The following CDC73 variants were observed in gnomAD, a reference collection of about 807,000 sequenced individuals.
CDC73 encodes parafibromin.
CDC73 carries 21 observed loss-of-function variants against 83.7 expected under a neutral mutation model. The observed-to-expected ratio is 0.25, with a 90% CI of 0.18 to 0.36. The LOEUF is 0.36. Among genes scored for constraint, CDC73 ranks in the 10% least tolerant of loss-of-function variants. The probability of loss-of-function intolerance (pLI) is 1.00; values close to 1 mark genes in which losing one functional copy is unlikely to be tolerated. For missense variants in CDC73, 342 were observed against 653.3 expected, an observed-to-expected ratio of 0.52 and a Z score of 5.19; for synonymous variants, 224 against 212.9, an observed-to-expected ratio of 1.05 and a Z score of -0.45.
intron 14 of CDC73, among the ~76,000 whole-genome samples, chr1:193,234,167 TCTCTCTCTCACACACACACACA>T (rs1443185738): frequency 5.8e-5 from 5 of 86,686 alleles, no homozygotes; most frequent in Admixed American, 4.6e-4. Flanking sequence ...TCTCTCTCTC[TCTCTCTCTCACACACACACACA>T]CACACACACA....
chr1:193,249,572 T>C (rs1278367651), intron 15 of CDC73, among the ~76,000 whole-genome samples, 158 bp from the exon 16 acceptor site: 2 of 152,038 alleles, frequency 1.3e-5, no homozygotes, highest in African/African-American at 4.8e-5. Context: ...CATTTTAGTG[T>C]CCAGTGGCTG....
chr1:193,209,684 C>A (rs1469401424), intron 11 of CDC73, among the ~76,000 whole-genome samples: 1 of 152,180 alleles, frequency 6.6e-6, no homozygotes, highest in East Asian at 1.9e-4. Flanking sequence ...TTAACTAAAC[C>A]TCTAAACTTT....
chr1:193,176,195 CT>C (rs1676599275), intron 10 of CDC73, among the ~76,000 whole-genome samples: 2 of 152,290 alleles, frequency 1.3e-5, no homozygotes, highest in African/African-American at 4.8e-5. Context: ...TTTGTGGTTA[CT>C]TTTGGGGCTG....
chr1:193,221,714 G>A (rs1677473197), intron 13 of CDC73, among the ~76,000 whole-genome samples: 1 of 152,092 alleles, frequency 6.6e-6, no homozygotes, highest in Non-Finnish European at 1.5e-5. Flanking sequence ...CTTTAGTCTT[G>A]TTTACTACAG....
At chr1:193,200,114 GC>G (rs1169408567) in intron 10 of CDC73, among the ~76,000 whole-genome samples, 1 of 151,686 alleles carries the variant, frequency 6.6e-6, no homozygotes, top group East Asian at 1.9e-4. Flanking sequence ...GGTGGTGCGT[GC>G]CTGGAGGCTG....
chr1:193,240,834 A>G (rs536229220), intron 15 of CDC73, among the ~76,000 whole-genome samples: 7 of 152,172 alleles, frequency 4.6e-5, no homozygotes, highest in Non-Finnish European at 8.8e-5. Flanking sequence ...GAAACTTTTT[A>G]CTTTAATATA....
intron 11 of CDC73, among the ~76,000 whole-genome samples, chr1:193,204,519 G>T (rs1159277068): frequency 6.6e-6 from 1 of 151,798 alleles, no homozygotes; most frequent in Admixed American, 6.6e-5. Context: ...TTGATCTCCT[G>T]ACCTCATGAT....
chr1:193,252,325 A>G lies in CDC73; in HGVS notation c.*1613A>G. 4.3e-6 allele frequency: 1 copy of G among 230,298 alleles called. No individual in the cohort carries two copies. Among genetic ancestry groups the G allele is most frequent in the Non-Finnish European group, 8.6e-6 (1 of 116,182 alleles). 14.3% of individuals were successfully genotyped at this position (230,298 alleles called of 1,614,324 possible). Reference sequence around the variant, plus strand: ...TTTCTTAGCATATAAATATATTTCCAAAATAAATTACATGTTGTGTAAACT... The same window carrying G: ...TTTCTTAGCATATAAATATATTTCCGAAATAAATTACATGTTGTGTAAACT... On this transcript the variant is annotated 3_prime_UTR_variant, in exon 17 of 17. Coordinates refer to ENST00000367435, the MANE Select transcript of CDC73 (RefSeq NM_024529.5).
At chr1:193,216,785 T>G (rs762575857) in intron 13 of CDC73, among the ~76,000 whole-genome samples, 13 of 152,094 alleles carry the variant, frequency 8.5e-5, no homozygotes, top group Non-Finnish European at 1.5e-4. Context: ...GCAGGGTTCG[T>G]TCAACAAATG....
chr1:193,125,569 C>T (rs1356525844), intron 2 of CDC73, among the ~76,000 whole-genome samples: 1 of 151,014 alleles, frequency 6.6e-6, no homozygotes, highest in East Asian at 2.0e-4. Flanking sequence ...GCCAATAATT[C>T]ATTTTAAAAC....
intron 10 of CDC73, among the ~76,000 whole-genome samples, chr1:193,176,667 T>C (rs1228432777): frequency 6.6e-6 from 1 of 152,228 alleles, no homozygotes; most frequent in Non-Finnish European, 1.5e-5. Context: ...GGAATTTTTT[T>C]TCTACTTTTT....
At chr1:193,180,210 T>TAAAC in intron 10 of CDC73, 1 of 1,230,234 alleles carries the variant, frequency 8.1e-7, no homozygotes, top group Non-Finnish European at 1.1e-6. Context: ...TAACTAAAAC[T>TAAAC]TGTCCTACGG....
rs1457259033 is a variant in CDC73 at position 193,234,271 on chromosome 1, AAT to A, written c.1316+1125_1316+1126del. 4.2e-3 allele frequency among the ~76,000 whole-genome samples: 576 copies of A among 137,156 alleles called. 13 individuals carry two copies. Among genetic ancestry groups the A allele is most frequent in the South Asian group, 6.1e-3 (28 of 4,586 alleles). 90.0% of individuals were successfully genotyped at this position (137,156 alleles called of 152,430 possible). On this transcript the variant is annotated intron_variant, in intron 14 of 16. Coordinates refer to ENST00000367435, the MANE Select transcript of CDC73 (RefSeq NM_024529.5). ...TTATTTATATATATAATTTAATTAT[AAT>A]ATATATAATATACATATTATATATA... is the stretch of plus-strand genomic sequence containing the variant.
intron 14 of CDC73, among the ~76,000 whole-genome samples, chr1:193,234,289 A>ATATATATATATATATAAT (rs1677719485): frequency 2.6e-5 from 3 of 116,128 alleles, no homozygotes; most frequent in African/African-American, 1.0e-4. Flanking sequence ...TAATATACAT[A>ATATATATATATATATAAT]TTATATATAT....
intron 10 of CDC73, among the ~76,000 whole-genome samples, chr1:193,195,050 G>T (rs1033540630): frequency 6.6e-6 from 1 of 152,040 alleles, no homozygotes; most frequent in Non-Finnish European, 1.5e-5. Flanking sequence ...ACAATGAATT[G>T]ACTCACACAG....
rs369024183 is a variant in CDC73 at position 193,150,320 on chromosome 1, C to T, written c.845C>T (p.Thr282Ile). The T allele has an allele frequency of 6.2e-7, 1 of 1,611,842 alleles. No homozygotes were observed. The highest frequency in any genetic ancestry group is 8.5e-7 in the Non-Finnish European group (1 of 1,177,948). ...NAAPVDPTLR[T>I]KQPIPAAYNR... is the part of the protein sequence containing the mutation. ...TTTTTACAGGATCCCACTTTGCGCA[C>T]CAAACAGCCTATCCCAGCTGCCTAT... is the stretch of plus-strand genomic sequence containing the variant. The change falls in exon 9 of 17, where the codon ACC (threonine) becomes ATC (isoleucine). Residue 282 changes from threonine to isoleucine, a missense_variant. Around this residue, in one of 3 missense-constraint regions of CDC73, gnomAD observed 239 missense variants for 420.6 expected, o/e 0.57. Coordinates refer to ENST00000367435, the MANE Select transcript of CDC73 (RefSeq NM_024529.5).
At chr1:193,224,467 G>GCATTCACATATGCACATACT (rs1677529036) in intron 13 of CDC73, among the ~76,000 whole-genome samples, 7 of 148,198 alleles carry the variant, frequency 4.7e-5, no homozygotes, top group Admixed American at 3.4e-4. Context: ...ATGCACATAC[G>GCATTCACATATGCACATACT]AAATTTATGC....
rs1440236127 is a variant in CDC73, at chr1:193,130,158, A to G, written c.238-16A>G. 1 of 1,308,696 alleles carries G rather than the reference A, an allele frequency of 7.6e-7. No homozygotes were observed. Among genetic ancestry groups the G allele is most frequent in the South Asian group, 1.2e-5 (1 of 84,624 alleles). The allele number at this position is 1,308,696 out of a possible 1,614,324, so 81.1% of individuals were successfully genotyped here. A position where few individuals can be genotyped will look rare whatever the true frequency, so the allele number is the denominator to read the frequency against. ...TTGTTATTCATTTCATATCTCATTT[A>G]AAATTTTGGTTTTAGACTGAAAATA... On this transcript the variant is annotated splice_polypyrimidine_tract_variant and intron_variant, in intron 2 of 16. Transcript: ENST00000367435.
intron 15 of CDC73, among the ~76,000 whole-genome samples, chr1:193,247,798 C>G (rs1180461047): frequency 1.3e-5 from 2 of 152,062 alleles, no homozygotes; most frequent in African/African-American, 4.8e-5. Context: ...TAACTCTCTT[C>G]AGTTCTGTGA....
Sources: allele counts gnomAD v4.1 joint callset (sites outside exome capture counted in the v4.1 genomes callset), GRCh38; gene constraint gnomAD v4.1.1; regional missense constraint gnomAD v4.1.1; transcripts MANE v1.5; gene names NCBI Gene and HGNC (gene_info 2026-07-23, HGNC 2026-07-21).